DLG2: variants seen among roughly 807,000 people sequenced by gnomAD.
The protein encoded by DLG2 is discs large MAGUK scaffold protein 2.
DLG2 carries 45 observed loss-of-function variants against 132.5 expected under a neutral mutation model. That is an observed-to-expected ratio of 0.34 (90% CI 0.27 to 0.44). The LOEUF (loss-of-function observed/expected upper bound fraction) is 0.44, where lower values mean the gene tolerates loss of function less well. Ranked by LOEUF, DLG2 falls within the 20% of genes least tolerant of loss-of-function variation. The pLI, the probability that DLG2 is intolerant of heterozygous loss-of-function variation, is 1.00. For missense variants in DLG2, 1,045 were observed against 1,196.9 expected (o/e 0.87, Z 1.87); for synonymous variants, 424 against 419.6 (o/e 1.01, Z -0.13).
At chr11:85,147,252 AG>A (rs920277171) in intron 5 of DLG2, among the ~76,000 whole-genome samples, 1 of 152,164 alleles carries the variant, frequency 6.6e-6, no homozygotes, top group South Asian at 2.1e-4. Context: ...GTGTTCCTGC[AG>A]GGGGGATAAT....
At chr11:84,001,757 G>C (rs1296188536) in intron 11 of DLG2, among the ~76,000 whole-genome samples, 1 of 152,024 alleles carries the variant, frequency 6.6e-6, no homozygotes, top group Non-Finnish European at 1.5e-5. Context: ...AGATCACATG[G>C]AATAAAATTA....
intron 7 of DLG2, among the ~76,000 whole-genome samples, chr11:84,284,407 A>G (rs1282190233): frequency 6.6e-6 from 1 of 152,230 alleles, no homozygotes; most frequent in East Asian, 1.9e-4. Flanking sequence ...ATTGTGCTAC[A>G]TATTCAATCA....
intron 8 of DLG2, among the ~76,000 whole-genome samples, chr11:84,250,761 AC>A (rs1262140998): frequency 2.0e-5 from 3 of 152,164 alleles, no homozygotes; most frequent in African/African-American, 7.2e-5. Flanking sequence ...CTTTCATAAA[AC>A]CATAACTTTC....
intron 9 of DLG2, among the ~76,000 whole-genome samples, chr11:84,106,534 C>G (rs1383817457): frequency 1.3e-5 from 2 of 152,068 alleles, no homozygotes; most frequent in African/African-American, 4.8e-5. Flanking sequence ...AAGAAATGCC[C>G]TTTTCACAAT....
At chr11:84,134,895 C>A (rs945175750) in intron 9 of DLG2, among the ~76,000 whole-genome samples, 3 of 151,854 alleles carry the variant, frequency 2.0e-5, no homozygotes, top group Non-Finnish European at 4.4e-5. Flanking sequence ...ATTACAGCAC[C>A]CACCCAGACT....
chr11:85,558,998 G>T (rs1169800577), intron 3 of DLG2, among the ~76,000 whole-genome samples: 1 of 151,464 alleles, frequency 6.6e-6, no homozygotes, highest in Non-Finnish European at 1.5e-5. Context: ...GAACTAAAGG[G>T]AAGAAACCCC....
At chr11:84,533,773 T>C (rs150910591) in intron 7 of DLG2, among the ~76,000 whole-genome samples, 52 of 152,052 alleles carry the variant, frequency 3.4e-4, no homozygotes, top group African/African-American at 1.1e-3. Context: ...AAGGAGTTAA[T>C]TGGTAGGTGC....
At chr11:85,012,044 A>T (rs1165619244) in intron 6 of DLG2, among the ~76,000 whole-genome samples, 1 of 152,114 alleles carries the variant, frequency 6.6e-6, no homozygotes, top group Non-Finnish European at 1.5e-5. Context: ...AATGTGGGCC[A>T]GGTGCAGTGG....
At chr11:85,008,457 T>C (rs1308248365) in intron 6 of DLG2, among the ~76,000 whole-genome samples, 3 of 152,128 alleles carry the variant, frequency 2.0e-5, no homozygotes, top group Non-Finnish European at 2.9e-5. Context: ...AGATTAATAG[T>C]ATATTTCTTT....
At chr11:84,326,977 A>AT (rs200891745) in intron 7 of DLG2, among the ~76,000 whole-genome samples, 77 of 151,802 alleles carry the variant, frequency 5.1e-4, no homozygotes, top group Non-Finnish European at 8.5e-4. Context: ...CCTTCTTTAT[A>AT]TTTTTTAACA....
rs1194306715 is a variant in DLG2 at position 84,110,194 on chromosome 11, G to A, written c.625-11147C>T. Among the ~76,000 whole-genome samples the A allele has an allele frequency of 2.6e-5, 4 of 152,180 alleles. No individual in the cohort carries two copies. The East Asian group carries it at 7.7e-4, about 29-fold the overall frequency. ...AGGTAAAACAACAGAGCAAGAATGT[G>A]AGTTAATGACAACTGATCTTCGTAT... On this transcript the variant is annotated intron_variant, in intron 9 of 27. Transcript: ENST00000376104.
At chr11:84,670,461 G>T (rs2099704527) in intron 6 of DLG2, among the ~76,000 whole-genome samples, 1 of 152,152 alleles carries the variant, frequency 6.6e-6, no homozygotes, top group Non-Finnish European at 1.5e-5. Context: ...AGATCAAAGA[G>T]CAGGGCGCTT....
rs1189158706 is a variant in DLG2, at chr11:84,631,016, TCTCACA to T, written c.358-96291_358-96286del. Among the ~76,000 whole-genome samples the T allele has an allele frequency of 2.4e-3, 290 of 122,488 alleles. 1 individual carries two copies. The highest frequency in any genetic ancestry group is 4.4e-3 in the South Asian group (14 of 3,188). The allele number at this position is 122,488 out of a possible 152,430, so 80.4% of individuals were successfully genotyped here. A position where few individuals can be genotyped will look rare whatever the true frequency, so the allele number is the denominator to read the frequency against. On this transcript the variant is annotated intron_variant, in intron 6 of 27. Coordinates refer to ENST00000376104, the MANE Select transcript of DLG2 (RefSeq NM_001142699.3). ...CTCTCTCTCTCTCTCTCTCTCTCTC[TCTCACA>T]CACACACACACACACACACACACAC...
chr11:84,153,405 T>G (rs557607218), intron 9 of DLG2, among the ~76,000 whole-genome samples: 3 of 152,296 alleles, frequency 2.0e-5, no homozygotes, highest in Non-Finnish European at 4.4e-5. Flanking sequence ...ACTGGGGACA[T>G]GTTCATGAAT....
Position 84,059,349 on chromosome 11 carries a change from G to C in DLG2, c.885C>G (p.Thr295=), listed in dbSNP as rs140724117. The C allele has an allele frequency of 2.5e-6, 4 of 1,613,382 alleles. No homozygotes were observed. Among genetic ancestry groups the C allele is most frequent in the Middle Eastern group, 1.7e-4 (1 of 6,052 alleles). Residue 295 remains threonine (T), a synonymous_variant, in exon 11 of 28, where the codon ACC becomes ACG. Transcript: ENST00000376104. ...YVRRRRPILE[T]VVEIKLFKGP... is the part of the protein sequence containing the mutation. ...CTTTGAACAGTTTGATTTCCACAAC[G>C]GTCTCCAAAATAGGTCGTCTTCTAC...
intron 16 of DLG2, among the ~76,000 whole-genome samples, chr11:83,853,263 A>G (rs1050816169): frequency 1.3e-5 from 2 of 152,126 alleles, no homozygotes; most frequent in Non-Finnish European, 2.9e-5. Flanking sequence ...TATACCTAGG[A>G]AACTTTCCCT....
intron 3 of DLG2, among the ~76,000 whole-genome samples, chr11:85,350,319 G>T (rs2083186040): frequency 6.6e-6 from 1 of 152,196 alleles, no homozygotes; most frequent in Admixed American, 6.5e-5. Context: ...CCCTTTGTCA[G>T]ATGAGTAGAT....
intron 17 of DLG2, among the ~76,000 whole-genome samples, chr11:83,804,689 T>C (rs1594694256): frequency 1.3e-5 from 2 of 151,910 alleles, no homozygotes; most frequent in East Asian, 3.9e-4. Context: ...CAAGGCATCT[T>C]CCCAGTGTAA....
At chr11:83,590,654 A>G (rs181500169) in intron 19 of DLG2, among the ~76,000 whole-genome samples, 217 of 152,344 alleles carry the variant, frequency 1.4e-3, no homozygotes, top group African/African-American at 4.8e-3. Context: ...GCAGAACTGA[A>G]GGTAATAGAG....
Sources: allele counts gnomAD v4.1 joint callset (sites outside exome capture counted in the v4.1 genomes callset), GRCh38; gene constraint gnomAD v4.1.1; transcripts MANE v1.5; gene names NCBI Gene and HGNC (gene_info 2026-07-23, HGNC 2026-07-21).